Variants in FRAS1 observed in about 807,000 individuals in gnomAD.
FRAS1 encodes the protein Fraser extracellular matrix complex subunit 1, also known as extracellular matrix organizing protein FRAS1.
In FRAS1, 290 loss-of-function variants were observed where a neutral mutation model predicts 435.2. That is an observed-to-expected ratio of 0.67 (90% CI 0.61 to 0.73). FRAS1 has a LOEUF of 0.73. Ranked by LOEUF, FRAS1 falls within the 30% of genes least tolerant of loss-of-function variation. The probability of loss-of-function intolerance (pLI) is 0.00; values close to 1 mark genes in which losing one functional copy is unlikely to be tolerated. For missense variants in FRAS1, 4,860 were observed against 5,001.5 expected (o/e 0.97, Z 0.85); for synonymous variants, 1,800 against 1,851.0 (o/e 0.97, Z 0.71).
chr4:78,496,642 A>G (rs904434792), intron 59 of FRAS1, among the ~76,000 whole-genome samples, 163 bp from the exon 60 acceptor site: 1 of 152,236 alleles, frequency 6.6e-6, no homozygotes, highest in African/African-American at 2.4e-5. Flanking sequence ...CCAAGCATGA[A>G]CTGTTAAATT....
chr4:78,398,873 C>T (rs1732771456), intron 29 of FRAS1, among the ~76,000 whole-genome samples: 1 of 152,144 alleles, frequency 6.6e-6, no homozygotes, highest in South Asian at 2.1e-4. Context: ...ATCCCAGCTA[C>T]TCAGGAGGCT....
chr4:78,284,505 C>T lies in FRAS1; in HGVS notation c.1356C>T (p.His452=), dbSNP rs1727487222. 6 of 1,612,918 alleles carry T rather than the reference C, an allele frequency of 3.7e-6. No homozygotes were observed. In the South Asian group the frequency reaches 4.4e-5, roughly 12 times the overall value. ...TACTGCAGAATGGATGGTGTGTGCACAGCTGTGGACTGGGTTTTTACCAAG... is the reference window on the plus strand; with the variant it reads ...TACTGCAGAATGGATGGTGTGTGCATAGCTGTGGACTGGGTTTTTACCAAG... The part of the protein sequence containing the change: ...TKLLQNGWCV[H]SCGLGFYQAG... The change falls in exon 13 of 74, where the codon CAC becomes CAT. Residue 452 remains histidine, a synonymous_variant. Transcript: ENST00000512123.
chr4:78,508,532 G>A (rs1287846863), intron 62 of FRAS1, among the ~76,000 whole-genome samples, 199 bp from the exon 63 acceptor site: 2 of 152,192 alleles, frequency 1.3e-5, no homozygotes, highest in Non-Finnish European at 1.5e-5. Flanking sequence ...AGCCCAACCA[G>A]TAGAAGAATC....
chr4:78,473,345 A>G (rs373667168), intron 52 of FRAS1, 93 bp from the exon 53 acceptor site: 1 of 986,938 alleles, frequency 1.0e-6, no homozygotes, highest in Non-Finnish European at 1.5e-6. Context: ...TCTGTAATAC[A>G]TTAGAAGAAT....
intron 2 of FRAS1, among the ~76,000 whole-genome samples, chr4:78,115,269 C>G (rs550160782): frequency 6.6e-6 from 1 of 152,028 alleles, no homozygotes; most frequent in Non-Finnish European, 1.5e-5. Flanking sequence ...ATGTTCATCA[C>G]GGATATTGGT....
chr4:78,452,900 G>A (rs182327802), intron 47 of FRAS1, among the ~76,000 whole-genome samples: 1 of 152,194 alleles, frequency 6.6e-6, no homozygotes, highest in Non-Finnish European at 1.5e-5. Context: ...TAAACATGGT[G>A]TTGTAGGAGT....
intron 30 of FRAS1, 27 bp downstream of exon 30, chr4:78,400,914 T>A: frequency 1.2e-6 from 2 of 1,610,742 alleles, no homozygotes; most frequent in Non-Finnish European, 1.7e-6. Flanking sequence ...TTGGCGTGGT[T>A]TCATCGTTGC....
intron 59 of FRAS1, among the ~76,000 whole-genome samples, chr4:78,492,904 T>C (rs925151812): frequency 1.3e-5 from 2 of 152,076 alleles, no homozygotes; most frequent in African/African-American, 2.4e-5. Flanking sequence ...TTGCAATCTA[T>C]CCATCTGACA....
chr4:78,184,538 T>C (rs1722190260), intron 2 of FRAS1, among the ~76,000 whole-genome samples: 1 of 152,228 alleles, frequency 6.6e-6, no homozygotes, highest in Admixed American at 6.5e-5. Context: ...ATCTATAATA[T>C]GTACTTGGGT....
intron 67 of FRAS1, among the ~76,000 whole-genome samples, chr4:78,521,157 G>A (rs770789233): frequency 4.6e-5 from 7 of 152,136 alleles, no homozygotes; most frequent in Non-Finnish European, 8.8e-5. Flanking sequence ...GTATCTTGGC[G>A]AGGAAAAGAA....
Position 78,540,599 on chromosome 4 carries a change from C to T in FRAS1, c.11514C>T (p.Pro3838=). ...TTGGCCCTGACACCATCTCAGGGCC[C>T]CGGGTCCAGCGCTCTCTCACAGCTC... is the stretch of plus-strand genomic sequence containing the variant. ...YIIGPDTISG[P]RVQRSLTAPL... The change falls in exon 74 of 74, where the codon CCC becomes CCT. Residue 3838 remains proline (P), a synonymous_variant. Transcript: ENST00000512123. 1 of 1,538,510 alleles carries T rather than the reference C, an allele frequency of 6.5e-7. No individual in the cohort carries two copies. Among genetic ancestry groups the T allele is most frequent in the Non-Finnish European group, 8.7e-7 (1 of 1,143,358 alleles).
chr4:78,429,315 A>T, intron 36 of FRAS1, 89 bp downstream of exon 36: 1 of 1,455,348 alleles, frequency 6.9e-7, no homozygotes, highest in East Asian at 2.5e-5. Flanking sequence ...TTGCCAAAAA[A>T]GCAAACTCTT....
chr4:78,521,745 A>G (rs910905364), intron 68 of FRAS1, 115 bp downstream of exon 68: 5 of 645,646 alleles, frequency 7.7e-6, no homozygotes, highest in East Asian at 2.9e-5. Context: ...ACATTTTGCT[A>G]TACATCCATG....
intron 61 of FRAS1, among the ~76,000 whole-genome samples, chr4:78,500,466 T>C (rs1720641383): frequency 6.6e-6 from 1 of 152,204 alleles, no homozygotes; most frequent in Non-Finnish European, 1.5e-5. Flanking sequence ...TATCCCCCTT[T>C]CGGAGGACAT....
At chr4:78,449,810 A>G (rs1718967661) in intron 44 of FRAS1, among the ~76,000 whole-genome samples, 1 of 152,182 alleles carries the variant, frequency 6.6e-6, no homozygotes, top group African/African-American at 2.4e-5. Flanking sequence ...TTCATCATAG[A>G]TCTAGGAGTT....
At chr4:78,101,515 G>T (rs1391821464) in intron 2 of FRAS1, among the ~76,000 whole-genome samples, 1 of 152,086 alleles carries the variant, frequency 6.6e-6, no homozygotes, top group African/African-American at 2.4e-5. Flanking sequence ...CTTTTTCAAA[G>T]TGAGAGTGTA....
intron 2 of FRAS1, among the ~76,000 whole-genome samples, chr4:78,121,074 G>C (rs1299120446): frequency 1.3e-5 from 2 of 152,164 alleles, no homozygotes; most frequent in Admixed American, 1.3e-4. Flanking sequence ...GTCTCTCTGA[G>C]AATGCAGTGA....
chr4:78,511,671 C>T, intron 64 of FRAS1, 165 bp downstream of exon 64: 1 of 679,896 alleles, frequency 1.5e-6, no homozygotes, highest in Admixed American at 2.0e-5. Context: ...AAGCTCGGGC[C>T]CCCTGCCTAT....
chr4:78,288,684 GA>G (rs375323729), intron 14 of FRAS1, among the ~76,000 whole-genome samples: 164 of 146,138 alleles, frequency 1.1e-3, no homozygotes, highest in Middle Eastern at 3.5e-3. Context: ...AAAATAAGGA[GA>G]AAAAAAAAAC....
Sources: gnomAD v4.1 joint callset for allele counts (sites outside exome capture counted in the v4.1 genomes callset) on GRCh38, gnomAD v4.1.1 for gene constraint, MANE v1.5 for transcripts, NCBI Gene and HGNC (gene_info 2026-07-23, HGNC 2026-07-21) for gene names.